ARMCX4: variants seen among roughly 807,000 people sequenced by gnomAD.
ARMCX4 encodes armadillo repeat containing X-linked 4.
Under a neutral mutation model 34.7 loss-of-function variants are expected in ARMCX4, and 3 were observed. The observed-to-expected ratio is 0.09, with a 90% CI of 0.04 to 0.22. ARMCX4 has a LOEUF of 0.22. Among genes scored for constraint, ARMCX4 ranks in the 10% least tolerant of loss-of-function variants. ARMCX4 has a pLI of 1.00. For synonymous variants in ARMCX4, 513 were observed against 632.8 expected (o/e 0.81, Z 2.84); for missense variants, 1,448 against 1,720.8 (o/e 0.84, Z 2.81).
Position 101,491,559 on chromosome X carries a change from C to T in ARMCX4, c.2970C>T (p.Pro990=), listed in dbSNP as rs1556009179. The change falls in exon 6 of 6, where the codon CCC becomes CCT. Residue 990 remains proline, a synonymous_variant. Coordinates refer to ENST00000423738, the MANE Select transcript of ARMCX4 (RefSeq NM_001256155.3). ...AGADTVGSAQ[P]QAVANSQSET... ...CAGATACAGTGGGCTCTGCCCAGCC[C>T]CAAGCTGTCGCTAATTCCCAGAGTG... 4 of 1,153,496 alleles carry T rather than the reference C, an allele frequency of 3.5e-6. No individual in the cohort carries two copies. The highest frequency in any genetic ancestry group is 6.5e-5 in the East Asian group (2 of 30,643).
At chrX:101,475,056 C>T (rs892391585) in intron 4 of ARMCX4, among the ~76,000 whole-genome samples, 2 of 109,993 alleles carry the variant, frequency 1.8e-5, no homozygotes, top group Admixed American at 9.7e-5. Context: ...TGCCTTTAAT[C>T]CCAGAACTTT....
intron 4 of ARMCX4, among the ~76,000 whole-genome samples, chrX:101,453,418 G>T (rs1262105540): frequency 8.9e-6 from 1 of 111,898 alleles, no homozygotes; most frequent in Non-Finnish European, 1.9e-5. Context: ...ATCACCTGGG[G>T]TATGTGGTTA....
chrX:101,439,786 G>A (rs1456374275), intron 2 of ARMCX4, among the ~76,000 whole-genome samples: 1 of 109,256 alleles, frequency 9.2e-6, no homozygotes, highest in Admixed American at 9.8e-5. Flanking sequence ...TGAGGCTTGT[G>A]CATTCGTCAT....
chrX:101,497,473 A>G (rs1471823096), downstream of ARMCX4, among the ~76,000 whole-genome samples: 3 of 111,287 alleles, frequency 2.7e-5, no homozygotes, highest in Admixed American at 9.5e-5. Flanking sequence ...TCCTGACCTC[A>G]GGTGATCTGC....
chrX:101,437,375 A>C (rs1278371297), intron 2 of ARMCX4, among the ~76,000 whole-genome samples: 1 of 111,650 alleles, frequency 9.0e-6, no homozygotes, highest in African/African-American at 3.3e-5. Context: ...TAGTCTTGGG[A>C]GGGTGTATGT....
intron 3 of ARMCX4, among the ~76,000 whole-genome samples, chrX:101,445,179 A>G (rs782476743): frequency 4.1e-4 from 46 of 112,471 alleles, no homozygotes; most frequent in Non-Finnish European, 6.7e-4. Flanking sequence ...AAATATTACT[A>G]TTCTTGGCAT....
At chrX:101,451,633 C>T (rs1931996138), downstream of ARMCX4, among the ~76,000 whole-genome samples, 1 of 111,736 alleles carries the variant, frequency 8.9e-6, no homozygotes, top group Admixed American at 9.5e-5. Context: ...AGCCTTCTAT[C>T]CAGCCATCTT....
chrX:101,451,342 C>T (rs781823232), downstream of ARMCX4, among the ~76,000 whole-genome samples: 2 of 111,489 alleles, frequency 1.8e-5, no homozygotes, highest in East Asian at 5.7e-4. Flanking sequence ...TCTGCTATAA[C>T]GGGGCATCAC....
chrX:101,473,687 A>G (rs1933023384), intron 4 of ARMCX4, among the ~76,000 whole-genome samples: 1 of 103,576 alleles, frequency 9.7e-6, no homozygotes, highest in Non-Finnish European at 2.0e-5. Flanking sequence ...TGGAAACTGA[A>G]CAACCTGCTC....
At chrX:101,433,139 T>C (rs57864540) in intron 2 of ARMCX4, among the ~76,000 whole-genome samples, 1 of 107,960 alleles carries the variant, frequency 9.3e-6, no homozygotes, top group Non-Finnish European at 1.9e-5. Context: ...TATTTGTATA[T>C]ATACTCACAT....
chrX:101,511,724 C>T (rs782468253), intron 11 of ARMCX4, among the ~76,000 whole-genome samples: 2 of 109,914 alleles, frequency 1.8e-5, no homozygotes, highest in Admixed American at 9.8e-5. Flanking sequence ...ATCTTGGGCT[C>T]AAGTGACCCT....
downstream of ARMCX4, among the ~76,000 whole-genome samples, chrX:101,449,976 G>A (rs1277828678): frequency 3.6e-5 from 4 of 112,054 alleles, no homozygotes; most frequent in Non-Finnish European, 7.5e-5. Context: ...TACTACCTTG[G>A]TGGTCTTGGA....
intron 4 of ARMCX4, among the ~76,000 whole-genome samples, chrX:101,474,256 C>G: frequency 1.2e-5 from 1 of 83,418 alleles, no homozygotes. Flanking sequence ...AAGACTAAAC[C>G]AGGAAGAAGT....
chrX:101,535,694 G>A (rs1453316179), downstream of ARMCX4, among the ~76,000 whole-genome samples: 1 of 111,113 alleles, frequency 9.0e-6, no homozygotes, highest in African/African-American at 3.3e-5. Context: ...TTTATTAAAT[G>A]CCTACAAATT....
At chrX:101,456,435 C>T (rs1932285249) in intron 4 of ARMCX4, among the ~76,000 whole-genome samples, 1 of 111,775 alleles carries the variant, frequency 8.9e-6, no homozygotes, top group South Asian at 3.7e-4. Context: ...ATGAGCACTT[C>T]TTCATCTATT....
intron 4 of ARMCX4, among the ~76,000 whole-genome samples, chrX:101,460,544 C>G (rs1264578847): frequency 8.9e-6 from 1 of 111,905 alleles, no homozygotes; most frequent in African/African-American, 3.2e-5. Context: ...AAAGCTTTCC[C>G]CATGGTGTCT....
chrX:101,495,222 C>T lies in ARMCX4; in HGVS notation c.6633C>T (p.Asn2211=). Residue 2211 remains asparagine, a synonymous_variant, in exon 6 of 6, where the codon AAC becomes AAT. Transcript: ENST00000423738. ...LIANAPTSLI[N]IFSKKETKEN... is the part of the protein sequence containing the mutation. ...CCAATGCACCAACATCACTGATTAA[C>T]ATTTTTAGCAAGAAAGAGACAAAGG... The T allele has an allele frequency of 8.7e-7, 1 of 1,148,130 alleles. No homozygotes were observed. Among genetic ancestry groups the T allele is most frequent in the Non-Finnish European group, 1.2e-6 (1 of 866,059 alleles). 94.6% of individuals were successfully genotyped at this position (1,148,130 alleles called of 1,213,427 possible).
At position 101,493,349 on chromosome X, in the gene ARMCX4, C is replaced by T; in HGVS notation, c.4760C>T (p.Pro1587Leu). The T allele has an allele frequency of 8.7e-7, 1 of 1,155,263 alleles. No individual in the cohort carries two copies. The highest frequency in any genetic ancestry group is 1.1e-6 in the Non-Finnish European group (1 of 872,723). The change falls in exon 6 of 6, where the codon CCT becomes CTT. Residue 1587 changes from proline (P) to leucine (L), a missense_variant. Coordinates refer to ENST00000423738, the MANE Select transcript of ARMCX4 (RefSeq NM_001256155.3). ...EDQAIGGGFW[P>L]GAGDQTGGGS... Reference sequence around the variant, plus strand: ...CAGGCCATTGGAGGGGGGTTCTGGCCTGGTGCTGGGGACCAGACTGGTGGA... The same window carrying T: ...CAGGCCATTGGAGGGGGGTTCTGGCTTGGTGCTGGGGACCAGACTGGTGGA...
intron 7 of ARMCX4, among the ~76,000 whole-genome samples, chrX:101,501,417 G>A (rs1556013600): frequency 8.9e-6 from 1 of 112,834 alleles, no homozygotes; most frequent in African/African-American, 3.2e-5. Context: ...GTTTATTAGA[G>A]CAATAGTGTA....
Sources: allele counts gnomAD v4.1 joint callset (sites outside exome capture counted in the v4.1 genomes callset), GRCh38; gene constraint gnomAD v4.1.1; transcripts MANE v1.5; gene names NCBI Gene and HGNC (gene_info 2026-07-23, HGNC 2026-07-21).